The following SLC10A7 variants were observed in gnomAD, a reference collection of about 807,000 sequenced individuals.
SLC10A7 encodes sodium/bile acid cotransporter 7.
Under a neutral mutation model 43.2 loss-of-function variants are expected in SLC10A7, and 29 were observed. That is an observed-to-expected ratio of 0.67 (90% CI 0.50 to 0.92). The LOEUF (loss-of-function observed/expected upper bound fraction) is 0.92. SLC10A7 is among the 40% of genes least tolerant of loss of function. The probability of loss-of-function intolerance (pLI) is 0.00; values close to 1 mark genes in which losing one functional copy is unlikely to be tolerated. For missense variants in SLC10A7, 295 were observed against 403.2 expected (o/e 0.73, Z 2.30); for synonymous variants, 152 against 144.8 (o/e 1.05, Z -0.35).
At chr4:146,269,414 G>A (rs987556369) in intron 10 of SLC10A7, among the ~76,000 whole-genome samples, 36 of 152,292 alleles carry the variant, frequency 2.4e-4, no homozygotes, top group African/African-American at 8.4e-4. Context: ...GGGTCACCAC[G>A]TTTATGGAGA....
At chr4:146,325,657 A>C (rs1256346007) in intron 6 of SLC10A7, among the ~76,000 whole-genome samples, 1 of 152,178 alleles carries the variant, frequency 6.6e-6, no homozygotes, top group Non-Finnish European at 1.5e-5. Context: ...CTTTAGTTTT[A>C]CTAATGAGAA....
At chr4:146,418,008 T>TGATGAA (rs1728695669) in intron 5 of SLC10A7, among the ~76,000 whole-genome samples, 2 of 137,318 alleles carry the variant, frequency 1.5e-5, no homozygotes, top group South Asian at 4.2e-4. Flanking sequence ...GAACAGATGA[T>TGATGAA]GATGATGATG....
intron 4 of SLC10A7, among the ~76,000 whole-genome samples, chr4:146,466,200 T>A (rs1385275640): frequency 2.0e-5 from 3 of 152,210 alleles, no homozygotes; most frequent in Non-Finnish European, 4.4e-5. Context: ...ATGCAGTGAA[T>A]ATTTGAAACA....
chr4:146,354,554 G>C (rs1735417581), intron 5 of SLC10A7, among the ~76,000 whole-genome samples: 5 of 144,580 alleles, frequency 3.5e-5, no homozygotes, highest in African/African-American at 7.7e-5. Context: ...AGTTCATATG[G>C]AACCAAAAAA....
intron 5 of SLC10A7, among the ~76,000 whole-genome samples, chr4:146,384,091 C>A (rs1240209938): frequency 6.6e-6 from 1 of 152,078 alleles, no homozygotes; most frequent in South Asian, 2.1e-4. Context: ...TGCTTTCCCA[C>A]GTGAGCAGTG....
chr4:146,333,384 C>T (rs1733666222), intron 5 of SLC10A7, among the ~76,000 whole-genome samples: 1 of 152,056 alleles, frequency 6.6e-6, no homozygotes, highest in African/African-American at 2.4e-5. Flanking sequence ...TCAATGCCCT[C>T]AACGTTTTTT....
rs1447505844 is a variant in SLC10A7 at position 146,365,985 on chromosome 4, T to G, written c.436-39989A>C. ...CATTCTCATAGGAGCACAAACCCTCTTGTGAACTGCACATGTGAGAGATCT... is the reference window on the plus strand; with the variant it reads ...CATTCTCATAGGAGCACAAACCCTCGTGTGAACTGCACATGTGAGAGATCT... On this transcript the variant is annotated intron_variant, in intron 5 of 11. Transcript: ENST00000335472. 2.6e-5 allele frequency among the ~76,000 whole-genome samples: 4 copies of G among 152,192 alleles called. No individual in the cohort carries two copies. In the South Asian group the frequency reaches 8.3e-4, roughly 32 times the overall value.
intron 5 of SLC10A7, among the ~76,000 whole-genome samples, chr4:146,433,889 G>T (rs1729991343): frequency 6.6e-6 from 1 of 152,068 alleles, no homozygotes; most frequent in African/African-American, 2.4e-5. Flanking sequence ...AACATTTCCA[G>T]GGGATAGTTT....
chr4:146,482,933 A>G (rs760440481), intron 4 of SLC10A7, among the ~76,000 whole-genome samples: 4 of 152,100 alleles, frequency 2.6e-5, no homozygotes, highest in Non-Finnish European at 5.9e-5. Flanking sequence ...GAGTGGAATG[A>G]TATATTCAAA....
intron 5 of SLC10A7, among the ~76,000 whole-genome samples, chr4:146,424,646 C>T (rs990600555): frequency 2.0e-5 from 3 of 149,786 alleles, no homozygotes; most frequent in Admixed American, 6.7e-5. Flanking sequence ...GGTGACAGAG[C>T]GAGACTCCAT....
At chr4:146,358,519 A>G (rs1002314320) in intron 5 of SLC10A7, among the ~76,000 whole-genome samples, 3 of 152,116 alleles carry the variant, frequency 2.0e-5, no homozygotes, top group Admixed American at 6.6e-5. Flanking sequence ...AAATCTCTCC[A>G]AGTCAATACT....
chr4:146,385,015 T>C (rs1321285632), intron 5 of SLC10A7, among the ~76,000 whole-genome samples: 1 of 152,088 alleles, frequency 6.6e-6, no homozygotes, highest in Non-Finnish European at 1.5e-5. Context: ...TCCTTCAGAG[T>C]ATTTAACAAT....
At chr4:146,307,981 A>G (rs971085873) in intron 6 of SLC10A7, among the ~76,000 whole-genome samples, 1 of 152,172 alleles carries the variant, frequency 6.6e-6, no homozygotes, top group African/African-American at 2.4e-5. Flanking sequence ...GGCATATTCA[A>G]TGTTTGGAAA....
intron 5 of SLC10A7, among the ~76,000 whole-genome samples, chr4:146,439,056 T>G (rs1362111932): frequency 6.6e-6 from 1 of 152,070 alleles, no homozygotes; most frequent in Non-Finnish European, 1.5e-5. Context: ...TATTATAAAC[T>G]GAACAATTTA....
At chr4:146,422,024 T>A (rs1728999655) in intron 5 of SLC10A7, among the ~76,000 whole-genome samples, 1 of 152,214 alleles carries the variant, frequency 6.6e-6, no homozygotes, top group South Asian at 2.1e-4. Flanking sequence ...AGAAATTGTA[T>A]CTTATATTCT....
intron 1 of SLC10A7, 66 bp downstream of exon 1, chr4:146,521,552 T>C (rs1738661661): frequency 1.4e-6 from 2 of 1,405,122 alleles, no homozygotes; most frequent in Non-Finnish European, 2.0e-6. Flanking sequence ...GCCCCACCTT[T>C]CCAAGACTCA....
chr4:146,470,236 T>C (rs1471374741), intron 4 of SLC10A7, among the ~76,000 whole-genome samples: 1 of 152,172 alleles, frequency 6.6e-6, no homozygotes, highest in Non-Finnish European at 1.5e-5. Flanking sequence ...TTAAGAACTA[T>C]TGTTCAAATT....
chr4:146,504,664 C>T (rs1253616994), intron 3 of SLC10A7, among the ~76,000 whole-genome samples: 1 of 152,138 alleles, frequency 6.6e-6, no homozygotes, highest in African/African-American at 2.4e-5. Context: ...AAAACCACTT[C>T]CTAAGTTCAA....
At chr4:146,505,422 T>A (rs973094014) in intron 3 of SLC10A7, among the ~76,000 whole-genome samples, 1 of 152,214 alleles carries the variant, frequency 6.6e-6, no homozygotes, top group African/African-American at 2.4e-5. Context: ...AGGTAAGGCC[T>A]CCAGTCAATG....
Sources: allele counts gnomAD v4.1 joint callset (sites outside exome capture counted in the v4.1 genomes callset), GRCh38; gene constraint gnomAD v4.1.1; transcripts MANE v1.5; gene names NCBI Gene and HGNC (gene_info 2026-07-23, HGNC 2026-07-21).